The following NREP variants were observed in gnomAD, a reference collection of about 807,000 sequenced individuals.
NREP encodes neuronal regeneration-related protein.
A neutral mutation model predicts 8.6 loss-of-function variants in NREP; 5 were observed. The observed-to-expected ratio is 0.58, with a 90% confidence interval of 0.30 to 1.22. The LOEUF (loss-of-function observed/expected upper bound fraction) is 1.22, where lower values mean the gene tolerates loss of function less well. Ranked by LOEUF, NREP falls within the 50% of genes most tolerant of loss-of-function variation. NREP has a pLI of 0.07. For synonymous variants in NREP, 27 were observed against 28.0 expected, an observed-to-expected ratio of 0.96 and a Z score of 0.11; for missense variants, 86 against 82.5, an observed-to-expected ratio of 1.04 and a Z score of -0.17.
chr5:111,794,347 G>A (rs1751826794), intron 2 of NREP, among the ~76,000 whole-genome samples: 1 of 152,122 alleles, frequency 6.6e-6, no homozygotes, highest in Non-Finnish European at 1.5e-5. Context: ...AAAAACTTGT[G>A]TCTCCATAAG....
At chr5:111,963,830 A>T (rs1008416432) in intron 2 of NREP, among the ~76,000 whole-genome samples, 10 of 152,196 alleles carry the variant, frequency 6.6e-5, no homozygotes, top group African/African-American at 2.4e-4. Flanking sequence ...GTGAGTGGTG[A>T]TCTTGATTTT....
At chr5:111,882,354 T>A (rs571881199) in intron 2 of NREP, among the ~76,000 whole-genome samples, 1 of 152,208 alleles carries the variant, frequency 6.6e-6, no homozygotes, top group Non-Finnish European at 1.5e-5. Flanking sequence ...CTACGTCTGA[T>A]TGGTGTACCT....
intron 2 of NREP, among the ~76,000 whole-genome samples, chr5:111,915,635 C>T (rs1253664230): frequency 2.0e-5 from 3 of 152,058 alleles, no homozygotes; most frequent in African/African-American, 7.2e-5. Context: ...GGTTTTCAAA[C>T]ATTTTTGGCC....
rs70973621 is a variant in NREP at position 111,955,496 on chromosome 5, C to CA, written c.135+19777dup. 9.2e-3 allele frequency among the ~76,000 whole-genome samples: 1,297 copies of CA among 140,980 alleles called. 9 individuals carry two copies. Among genetic ancestry groups the CA allele is most frequent in the African/African-American group, 0.03 (1,136 of 37,676 alleles). The allele number at this position is 140,980 out of a possible 152,430, so 92.5% of individuals were successfully genotyped here. On this transcript the variant is annotated intron_variant, in intron 2 of 3. Transcript: ENST00000395634. ...AAAAAAAAAAACAAAAAACAAAAAA[C>CA]AAAAAAAAAAAACACATTCGGTTCT... is the stretch of plus-strand genomic sequence containing the variant.
chr5:111,976,278 A>G (rs778567734), intron 1 of NREP, among the ~76,000 whole-genome samples: 4 of 152,254 alleles, frequency 2.6e-5, no homozygotes, highest in Non-Finnish European at 5.9e-5. Context: ...TATTTGTTCT[A>G]TGGCATCTCT....
At chr5:111,801,310 G>A (rs1752000373) in intron 2 of NREP, among the ~76,000 whole-genome samples, 1 of 152,056 alleles carries the variant, frequency 6.6e-6, no homozygotes, top group Non-Finnish European at 1.5e-5. Context: ...AGAATGTGGG[G>A]GTGCTGAGAG....
intron 2 of NREP, among the ~76,000 whole-genome samples, chr5:111,952,763 T>C (rs1756196664): frequency 6.6e-6 from 1 of 152,156 alleles, no homozygotes; most frequent in Non-Finnish European, 1.5e-5. Context: ...TGTCAATCTC[T>C]TGATTGTTAT....
chr5:111,970,184 T>A (rs1267367944), intron 2 of NREP, among the ~76,000 whole-genome samples: 1 of 152,218 alleles, frequency 6.6e-6, no homozygotes, highest in African/African-American at 2.4e-5. Flanking sequence ...GACAATCGAT[T>A]GTAAAATAAA....
chr5:111,915,650 G>T (rs1755035926), intron 2 of NREP, among the ~76,000 whole-genome samples: 1 of 152,036 alleles, frequency 6.6e-6, no homozygotes, highest in Non-Finnish European at 1.5e-5. Context: ...TTGGCCCGTA[G>T]TAATACCACA....
chr5:111,734,758 G>A (rs896440152), intron 3 of NREP: 33 of 698,950 alleles, frequency 4.7e-5, no homozygotes, highest in Non-Finnish European at 8.6e-5. Context: ...AAATCAGCAA[G>A]TCATTGGTTA....
intron 2 of NREP, among the ~76,000 whole-genome samples, chr5:111,838,065 A>G (rs1410769529): frequency 6.6e-6 from 1 of 152,104 alleles, no homozygotes; most frequent in Non-Finnish European, 1.5e-5. Context: ...TGTGCCATAT[A>G]TATATTTTAA....
At chr5:111,855,251 T>C (rs899133766) in intron 2 of NREP, among the ~76,000 whole-genome samples, 8 of 152,204 alleles carry the variant, frequency 5.3e-5, no homozygotes, top group African/African-American at 1.9e-4. Context: ...CCAACGCTTA[T>C]TGGTTTGGGA....
In NREP at chr5:111,890,892, C is replaced by T. The variant is rs368480933; in HGVS notation, c.135+84382G>A. 2.5e-3 allele frequency among the ~76,000 whole-genome samples: 380 copies of T among 152,306 alleles called. 3 individuals are homozygous for T. The highest frequency in any genetic ancestry group is 8.7e-3 in the African/African-American group (360 of 41,568). ...AAAGCCTCTGCAATGCCTTTGAGGC[C>T]TTTTTCCCATTATCTTGGCTATCAG... On this transcript the variant is annotated intron_variant, in intron 2 of 3. Transcript: ENST00000395634.
At chr5:111,764,550 C>A (rs1751037298) in intron 2 of NREP, among the ~76,000 whole-genome samples, 1 of 152,144 alleles carries the variant, frequency 6.6e-6, no homozygotes, top group East Asian at 1.9e-4. Flanking sequence ...ATCACGAGAG[C>A]AGCATGGGAA....
Position 111,976,708 on chromosome 5 carries a change from A to T in NREP, c.30+2T>A. 6.5e-7 allele frequency: 1 copy of T among 1,550,114 alleles called. No individual in the cohort carries two copies. Among genetic ancestry groups the T allele is most frequent in the African/African-American group, 1.4e-5 (1 of 73,110 alleles). ...ATACACAGTAAGTTATTCTTCACAT[A>T]CCAAAGCAGAATAATTCCAAACTCC... On this transcript the variant is annotated splice_donor_variant, in intron 1 of 3. Transcript: ENST00000395634. LOFTEE classifies it high-confidence loss of function.
chr5:111,735,123 C>T (rs1748982829), intron 3 of NREP: 3 of 315,110 alleles, frequency 9.5e-6, no homozygotes, highest in African/African-American at 4.3e-5. Context: ...TTAGTTTGAT[C>T]ATTGTATTTG....
intron 3 of NREP, chr5:111,732,307 A>G (rs970690953): frequency 1.3e-5 from 2 of 152,162 alleles, no homozygotes; most frequent in Admixed American, 6.5e-5. Context: ...TAAATGCAAC[A>G]GATTATTCAA....
At chr5:111,907,117 A>G (rs1420067447) in intron 2 of NREP, among the ~76,000 whole-genome samples, 1 of 151,864 alleles carries the variant, frequency 6.6e-6, no homozygotes, top group Non-Finnish European at 1.5e-5. Context: ...AGTCTTACAA[A>G]TATTTTCTCC....
At chr5:111,876,952 C>A (rs1753924695) in intron 2 of NREP, among the ~76,000 whole-genome samples, 2 of 152,190 alleles carry the variant, frequency 1.3e-5, no homozygotes. Flanking sequence ...TAAACCCAGG[C>A]AGTCTGTGCT....
Sources: gnomAD v4.1 joint callset for allele counts (sites outside exome capture counted in the v4.1 genomes callset) on GRCh38, gnomAD v4.1.1 for gene constraint, MANE v1.5 for transcripts, NCBI Gene and HGNC (gene_info 2026-07-23, HGNC 2026-07-21) for gene names.